Variants in MTM1 observed in about 807,000 individuals in gnomAD.
MTM1 encodes the protein myotubularin 1.
Under a neutral mutation model 52.1 loss-of-function variants are expected in MTM1, and 9 were observed. The ratio of observed to expected loss-of-function variants is 0.17; its 90% CI spans 0.10 to 0.30. The LOEUF (loss-of-function observed/expected upper bound fraction) is 0.30. Among genes scored for constraint, MTM1 ranks in the 10% least tolerant of loss-of-function variants. The pLI, the probability that MTM1 is intolerant of heterozygous loss-of-function variation, is 1.00. For missense variants in MTM1, 277 were observed against 470.7 expected (o/e 0.59, Z 3.81); for synonymous variants, 136 against 163.8 (o/e 0.83, Z 1.29).
At chrX:150,639,183 TTCTA>T (rs1186275477) in intron 7 of MTM1, among the ~76,000 whole-genome samples, 157 bp downstream of exon 7, 5 of 112,479 alleles carry the variant, frequency 4.4e-5, no homozygotes, top group African/African-American at 1.6e-4. Context: ...ATATATCTCA[TTCTA>T]TCTATTACTG....
At chrX:150,598,201 T>C (rs782777521) in intron 3 of MTM1, among the ~76,000 whole-genome samples, 17 of 112,867 alleles carry the variant, frequency 1.5e-4, no homozygotes, top group African/African-American at 5.1e-4. Flanking sequence ...CTCAGTCTAG[T>C]GGTTAGTCCG....
intron 9 of MTM1, among the ~76,000 whole-genome samples, chrX:150,649,481 T>G (rs2039985703): frequency 8.9e-6 from 1 of 112,477 alleles, no homozygotes; most frequent in Admixed American, 9.4e-5. Context: ...ATGATTTTTT[T>G]CCTTAGGAAT....
At chrX:150,591,873 A>G (rs1376669594) in intron 1 of MTM1, among the ~76,000 whole-genome samples, 1 of 112,706 alleles carries the variant, frequency 8.9e-6, no homozygotes, top group African/African-American at 3.2e-5. Flanking sequence ...CTTTATATGT[A>G]TCTATCTGTG....
At chrX:150,604,370 C>A (rs1382821998) in intron 4 of MTM1, among the ~76,000 whole-genome samples, 1 of 111,497 alleles carries the variant, frequency 9.0e-6, no homozygotes, top group African/African-American at 3.3e-5. Flanking sequence ...GCAAAGCAGA[C>A]GCTACCCTAG....
At chrX:150,639,644 T>C (rs1246555898) in intron 7 of MTM1, among the ~76,000 whole-genome samples, 1 of 112,264 alleles carries the variant, frequency 8.9e-6, no homozygotes, top group Admixed American at 9.5e-5. Context: ...AGTATTTTTG[T>C]TAAGGGAATT....
At chrX:150,568,305 C>A (rs2038290685), upstream of MTM1, among the ~76,000 whole-genome samples, 2 of 113,458 alleles carry the variant, frequency 1.8e-5, no homozygotes, top group Non-Finnish European at 3.7e-5. Context: ...CCGCCCGGCG[C>A]CCAGTCCAAC....
At chrX:150,618,646 T>G (rs2039426342) in intron 5 of MTM1, among the ~76,000 whole-genome samples, 1 of 111,898 alleles carries the variant, frequency 8.9e-6, no homozygotes, top group South Asian at 3.8e-4. Context: ...AGAGTGAGAC[T>G]ATGTCTCAAA....
intron 8 of MTM1, among the ~76,000 whole-genome samples, chrX:150,642,227 A>G (rs980469272): frequency 9.0e-6 from 1 of 111,316 alleles, no homozygotes; most frequent in Non-Finnish European, 1.9e-5. Flanking sequence ...TTGTCAGCCT[A>G]ATATGAATTG....
At chrX:150,612,508 A>AT (rs1439769879) in intron 4 of MTM1, among the ~76,000 whole-genome samples, 1 of 111,001 alleles carries the variant, frequency 9.0e-6, no homozygotes, top group Non-Finnish European at 1.9e-5. Context: ...CCTGGACAAC[A>AT]TAGTGAGACC....
chrX:150,622,837 A>G (rs1189567126), intron 6 of MTM1, among the ~76,000 whole-genome samples: 1 of 111,443 alleles, frequency 9.0e-6, no homozygotes, highest in East Asian at 2.8e-4. Context: ...GGGAGGAACA[A>G]TGAGTTCTGT....
At chrX:150,641,655 G>T (rs1193079795) in intron 8 of MTM1, among the ~76,000 whole-genome samples, 1 of 111,515 alleles carries the variant, frequency 9.0e-6, no homozygotes, top group East Asian at 2.8e-4. Context: ...CTACGAGAGA[G>T]GGGCTGCAAG....
At chrX:150,656,099 G>C (rs1190644640) in intron 10 of MTM1, among the ~76,000 whole-genome samples, 2 of 111,188 alleles carry the variant, frequency 1.8e-5, no homozygotes, top group Non-Finnish European at 3.8e-5. Context: ...GACTTTTACA[G>C]TCTAGACGCG....
upstream of MTM1, among the ~76,000 whole-genome samples, chrX:150,568,442 G>T (rs2038293336): frequency 8.8e-6 from 1 of 113,608 alleles, no homozygotes; most frequent in African/African-American, 3.2e-5. Flanking sequence ...AGCCTCTCGG[G>T]CGAAGAGCCC....
chrX:150,574,902 G>A (rs782118386), intron 1 of MTM1, among the ~76,000 whole-genome samples: 2 of 111,917 alleles, frequency 1.8e-5, no homozygotes, highest in African/African-American at 3.2e-5. Flanking sequence ...TCACAGCATC[G>A]CTTTGAGGTA....
intron 9 of MTM1, among the ~76,000 whole-genome samples, chrX:150,648,890 C>T (rs1557414099): frequency 8.9e-6 from 1 of 112,578 alleles, no homozygotes; most frequent in African/African-American, 3.2e-5. Context: ...GCTTTGAAGC[C>T]AGACTTAGAC....
intron 1 of MTM1, among the ~76,000 whole-genome samples, chrX:150,575,188 TCTC>T (rs1371486023): frequency 8.9e-6 from 1 of 112,744 alleles, no homozygotes; most frequent in Admixed American, 9.3e-5. Context: ...GCCTCTTTCT[TCTC>T]TGGCTTTTCA....
At chrX:150,583,855 T>C (rs1354357667) in intron 1 of MTM1, among the ~76,000 whole-genome samples, 3 of 47,734 alleles carry the variant, frequency 6.3e-5, no homozygotes, top group African/African-American at 2.4e-4. Flanking sequence ...ATCAAATATA[T>C]AAAATATATA....
chrX:150,634,739 G>A (rs782505146), intron 6 of MTM1, among the ~76,000 whole-genome samples: 8 of 111,983 alleles, frequency 7.1e-5, no homozygotes, highest in Non-Finnish European at 1.5e-4. Flanking sequence ...TGAGGAAGGT[G>A]AGGGTGGCCA....
At chrX:150,641,599 G>C (rs1021641652) in intron 8 of MTM1, among the ~76,000 whole-genome samples, 181 bp downstream of exon 8, 6 of 111,143 alleles carry the variant, frequency 5.4e-5, no homozygotes, top group Non-Finnish European at 1.1e-4. Flanking sequence ...CTGCCTTCTA[G>C]GAGCTTGCAA....
Sources: allele counts gnomAD v4.1 joint callset (sites outside exome capture counted in the v4.1 genomes callset), GRCh38; gene constraint gnomAD v4.1.1; transcripts MANE v1.5; gene names NCBI Gene and HGNC (gene_info 2026-07-23, HGNC 2026-07-21).